STPG4: variants seen among roughly 807,000 people sequenced by gnomAD.
STPG4 encodes the protein sperm-tail PG-rich repeat containing 4.
Under a neutral mutation model 31.5 loss-of-function variants are expected in STPG4, and 41 were observed. That is an observed-to-expected ratio of 1.30 (90% CI 1.01 to 1.69). The LOEUF (loss-of-function observed/expected upper bound fraction) is 1.69. STPG4 is among the 40% of genes most tolerant of loss of function. STPG4 has a pLI of 0.00. For synonymous variants in STPG4, 141 were observed against 103.0 expected (o/e 1.37, Z -2.24); for missense variants, 375 against 293.4 (o/e 1.28, Z -2.03).
Position 47,087,257 on chromosome 2 carries a change from G to C in STPG4, c.625-127C>G, listed in dbSNP as rs1006342516. 34 of 1,090,500 alleles carry C rather than the reference G, an allele frequency of 3.1e-5. No individual in the cohort carries two copies. The African/African-American group carries it at 4.6e-4, about 15-fold the overall frequency. The allele number at this position is 1,090,500 out of a possible 1,614,324, so 67.6% of individuals were successfully genotyped here. ...AAGGATGAAGACCAGGGCCACACCAGCCTGGGCTGAAGCCTGGCAGACCCT... is the reference window on the plus strand; with the variant it reads ...AAGGATGAAGACCAGGGCCACACCACCCTGGGCTGAAGCCTGGCAGACCCT... On this transcript the variant is annotated intron_variant, in intron 6 of 6. Coordinates refer to ENST00000445927, the MANE Select transcript of STPG4 (RefSeq NM_001163561.2).
chr2:47,121,862 G>GTGTGTGTA (rs1269529617), intron 5 of STPG4, among the ~76,000 whole-genome samples: 5 of 150,668 alleles, frequency 3.3e-5, no homozygotes, highest in African/African-American at 9.8e-5. Context: ...GTGTGTGTGT[G>GTGTGTGTA]TGTGTGTGTG....
At chr2:47,119,571 T>C (rs983831519) in intron 5 of STPG4, among the ~76,000 whole-genome samples, 2 of 152,224 alleles carry the variant, frequency 1.3e-5, no homozygotes, top group African/African-American at 4.8e-5. Context: ...GGAAATACAA[T>C]ATCATGCAGT....
chr2:47,130,114 A>G, intron 4 of STPG4, 82 bp downstream of exon 4: 1 of 1,483,864 alleles, frequency 6.7e-7, no homozygotes, highest in Non-Finnish European at 9.4e-7. Context: ...TATGAGGTGC[A>G]TAAATGAGGT....
At chr2:47,144,255 T>C (rs1333749036) in intron 3 of STPG4, among the ~76,000 whole-genome samples, 1 of 152,260 alleles carries the variant, frequency 6.6e-6, no homozygotes, top group Admixed American at 6.5e-5. Flanking sequence ...TCTAGGACTT[T>C]GGACAATGCA....
chr2:47,116,981 C>A (rs1477006994), intron 5 of STPG4, among the ~76,000 whole-genome samples: 1 of 152,106 alleles, frequency 6.6e-6, no homozygotes, highest in African/African-American at 2.4e-5. Flanking sequence ...GGCTCTTGGA[C>A]CCAAAAGCTG....
chr2:47,142,972 G>A (rs1686747516), intron 3 of STPG4, among the ~76,000 whole-genome samples: 1 of 150,772 alleles, frequency 6.6e-6, no homozygotes, highest in South Asian at 2.1e-4. Context: ...CGAGTAGCTG[G>A]GATTACAGGC....
intron 5 of STPG4, among the ~76,000 whole-genome samples, chr2:47,106,275 A>T (rs1270978519): frequency 6.6e-6 from 1 of 151,918 alleles, no homozygotes; most frequent in African/African-American, 2.4e-5. Flanking sequence ...CTAACTGGAC[A>T]GGCACCTGCA....
chr2:47,132,539 T>C (rs1432090941), intron 3 of STPG4, among the ~76,000 whole-genome samples: 1 of 152,206 alleles, frequency 6.6e-6, no homozygotes, highest in Non-Finnish European at 1.5e-5. Context: ...TGGTGAAATA[T>C]ATGCATTTTC....
In STPG4 at chr2:47,090,322, G is replaced by A. The variant is rs542301334; in HGVS notation, c.572C>T (p.Ser191Phe). The A allele has an allele frequency of 7.7e-6, 12 of 1,552,058 alleles. No individual in the cohort carries two copies. In the South Asian group the frequency reaches 1.2e-4, roughly 15 times the overall value. Residue 191 changes from serine (S) to phenylalanine (F), a missense_variant, in exon 6 of 7, where the codon TCT (serine) becomes TTT (phenylalanine). Physicochemically the swap from Ser to Phe is radical, Grantham distance 155 (BLOSUM62 -2). Coordinates refer to ENST00000445927, the MANE Select transcript of STPG4 (RefSeq NM_001163561.2). ...HYNVKMPPTS[S>F]VTSCFQSRVP... The stretch of plus-strand genomic sequence containing the variant: ...TCTGGATTGAAAACAAGAAGTGACA[G>A]AGCTTGTTGGAGGCATTTTCACATT...
intron 6 of STPG4, among the ~76,000 whole-genome samples, chr2:47,087,344 AG>A (rs1304229496): frequency 2.0e-5 from 3 of 152,182 alleles, no homozygotes; most frequent in African/African-American, 7.2e-5. Context: ...ATGAGGCTGG[AG>A]GGGGGCTAAC....
intron 2 of STPG4, among the ~76,000 whole-genome samples, chr2:47,152,301 A>T (rs1288106985): frequency 1.3e-5 from 2 of 152,222 alleles, no homozygotes; most frequent in East Asian, 3.8e-4. Flanking sequence ...GTCCAATAAG[A>T]GGTTTGGTAC....
chr2:47,150,502 CT>C (rs923156540), intron 3 of STPG4, among the ~76,000 whole-genome samples: 68 of 145,318 alleles, frequency 4.7e-4, no homozygotes, highest in South Asian at 1.1e-3. Context: ...CACTTCTTTT[CT>C]TTTTTTTTTT....
intron 5 of STPG4, among the ~76,000 whole-genome samples, chr2:47,107,439 G>C (rs2103748995): frequency 6.6e-6 from 1 of 152,318 alleles, no homozygotes; most frequent in African/African-American, 2.4e-5. Context: ...CGGCTGCAGA[G>C]GGTGTACTGG....
intron 5 of STPG4, among the ~76,000 whole-genome samples, chr2:47,092,650 G>A (rs1190169080): frequency 2.0e-5 from 3 of 149,420 alleles, no homozygotes; most frequent in Non-Finnish European, 3.0e-5. Context: ...GGAGGAGAAA[G>A]GGAGGGGAGG....
At chr2:47,133,258 C>T (rs1188348556) in intron 3 of STPG4, among the ~76,000 whole-genome samples, 1 of 152,046 alleles carries the variant, frequency 6.6e-6, no homozygotes, top group African/African-American at 2.4e-5. Flanking sequence ...CTTCAACCTC[C>T]CAGGCTCAAG....
intron 6 of STPG4, among the ~76,000 whole-genome samples, chr2:47,088,838 G>T (rs1685512088): frequency 6.6e-6 from 1 of 152,202 alleles, no homozygotes; most frequent in African/African-American, 2.4e-5. Context: ...AAAGGAAGCT[G>T]AAGCCTTTAT....
intron 3 of STPG4, among the ~76,000 whole-genome samples, chr2:47,131,521 A>G (rs2103782070): frequency 6.6e-6 from 1 of 152,332 alleles, no homozygotes; most frequent in South Asian, 2.1e-4. Context: ...ACTAGGGAAT[A>G]CAGTGGTTAA....
chr2:47,130,163 G>C (rs1686447246), intron 4 of STPG4, 33 bp downstream of exon 4: 2 of 1,590,158 alleles, frequency 1.3e-6, no homozygotes, highest in Non-Finnish European at 1.7e-6. Context: ...TATGTAAACA[G>C]AAAGGCAGCT....
intron 3 of STPG4, among the ~76,000 whole-genome samples, chr2:47,131,625 A>G (rs1407931298): frequency 6.6e-6 from 1 of 152,198 alleles, no homozygotes; most frequent in Non-Finnish European, 1.5e-5. Flanking sequence ...GACAGATTGA[A>G]GATATGGGGG....
Sources: gnomAD v4.1 joint callset for allele counts (sites outside exome capture counted in the v4.1 genomes callset) on GRCh38, gnomAD v4.1.1 for gene constraint, MANE v1.5 for transcripts, NCBI Gene and HGNC (gene_info 2026-07-23, HGNC 2026-07-21) for gene names.